The following RRM2 variants were observed in gnomAD, a reference collection of about 807,000 sequenced individuals.
RRM2 encodes the protein ribonucleotide reductase regulatory subunit M2.
RRM2 carries 6 observed loss-of-function variants against 45.9 expected under a neutral mutation model. The observed-to-expected ratio is 0.13, with a 90% confidence interval of 0.07 to 0.26. RRM2 has a LOEUF of 0.26. Ranked by LOEUF, RRM2 falls within the 10% of genes least tolerant of loss-of-function variation. The pLI is 1.00. For missense variants in RRM2, 343 were observed against 489.5 expected (o/e 0.70, Z 2.82); for synonymous variants, 177 against 173.0 (o/e 1.02, Z -0.18).
intron 1 of RRM2, chr2:10,141,713 AGAGCAGGTGAGGGTGG>A: frequency 8.1e-7 from 1 of 1,233,036 alleles, no homozygotes; most frequent in South Asian, 1.6e-5. Flanking sequence ...TGGGAAGGAA[AGAGCAGGTGAGGGTGG>A]GGTACTGTTC....
chr2:10,174,870 TA>T (rs57446176), intron 3 of RRM2, among the ~76,000 whole-genome samples: 59 of 144,886 alleles, frequency 4.1e-4, no homozygotes, highest in Middle Eastern at 3.5e-3. Context: ...CAAAAATGGT[TA>T]AAAAAAAAAA....
intron 3 of RRM2, among the ~76,000 whole-genome samples, chr2:10,188,525 A>G (rs1365595592): frequency 6.6e-6 from 1 of 152,124 alleles, no homozygotes; most frequent in Non-Finnish European, 1.5e-5. Context: ...CTCATTTCAC[A>G]TGAATCACCT....
At chr2:10,151,702 T>G (rs913237481) in intron 3 of RRM2, among the ~76,000 whole-genome samples, 6 of 152,194 alleles carry the variant, frequency 3.9e-5, no homozygotes, top group African/African-American at 1.4e-4. Context: ...CCATACCGCT[T>G]TACATGCCTC....
Position 10,122,751 on chromosome 2 carries a change from CCAG to C in RRM2, c.-46_-44del. 1 of 1,556,946 alleles carries C rather than the reference CCAG, an allele frequency of 6.4e-7. No homozygotes were observed. Among genetic ancestry groups the C allele is most frequent in the Non-Finnish European group, 8.7e-7 (1 of 1,150,402 alleles). On this transcript the variant is annotated 5_prime_UTR_variant, in exon 1 of 10. Transcript: ENST00000304567. ...TGAGGGGTCGCCCGTGCACCCTGTCCCAGCCGTCCTGTCCTGGCTGCTCGCTCT... is the reference window on the plus strand; with the variant it reads ...TGAGGGGTCGCCCGTGCACCCTGTCCCCGTCCTGTCCTGGCTGCTCGCTCT...
intron 3 of RRM2, among the ~76,000 whole-genome samples, chr2:10,206,564 AATT>A (rs1664669697): frequency 6.6e-6 from 1 of 152,188 alleles, no homozygotes; most frequent in Non-Finnish European, 1.5e-5. Flanking sequence ...TGGAAGGAGG[AATT>A]CTGACACATG....
intron 3 of RRM2, chr2:10,146,246 G>C (rs994957840): frequency 6.6e-6 from 1 of 152,172 alleles, no homozygotes; most frequent in African/African-American, 2.4e-5. Context: ...CCAAACGATG[G>C]CTCCAGAGCC....
rs919567474 is a variant in RRM2 at position 10,158,997 on chromosome 2, G to A, written n.482+16622G>A. Among the ~76,000 whole-genome samples the A allele has an allele frequency of 5.3e-5, 8 of 152,288 alleles. No homozygotes were observed. The South Asian group carries it at 1.2e-3, about 24-fold the overall frequency. On this transcript the variant is annotated intron_variant and non_coding_transcript_variant, in intron 3 of 3. Transcript: ENST00000381786. The stretch of plus-strand genomic sequence containing the variant: ...TGCCGCGGGGCTGGCCCAGATCATC[G>A]GTCCTTTGGACGTCTTCTTCCATAA...
intron 5 of RRM2, among the ~76,000 whole-genome samples, chr2:10,125,448 G>A (rs1454365025): frequency 2.0e-5 from 3 of 152,178 alleles, no homozygotes; most frequent in Non-Finnish European, 4.4e-5. Context: ...GTTCTCGCCT[G>A]TAATCCCAGC....
chr2:10,148,931 C>T (rs1377683941), intron 3 of RRM2, among the ~76,000 whole-genome samples: 2 of 152,042 alleles, frequency 1.3e-5, no homozygotes, highest in Non-Finnish European at 2.9e-5. Flanking sequence ...GCTCACTTTC[C>T]TCAGTCTTGT....
Position 10,196,210 on chromosome 2 carries a change from G to A in RRM2, n.483-14101G>A, listed in dbSNP as rs553748034. ...CTAAGCAGTGAGGAGCTTCAGACCC[G>A]TGTGAAGACAGAAGGCGCGGGGAGC... On this transcript the variant is annotated intron_variant and non_coding_transcript_variant, in intron 3 of 3. Coordinates refer to the RRM2 transcript ENST00000381786. 9.2e-5 allele frequency among the ~76,000 whole-genome samples: 14 copies of A among 152,312 alleles called. No individual in the cohort carries two copies. In the East Asian group the frequency reaches 2.3e-3, roughly 25 times the overall value.
intron 3 of RRM2, among the ~76,000 whole-genome samples, chr2:10,154,253 C>T (rs752033734): frequency 4.6e-5 from 7 of 152,148 alleles, no homozygotes; most frequent in Admixed American, 3.3e-4. Context: ...GCGGGCAGAT[C>T]GCTTGAGGTC....
rs948688925 is a variant in RRM2, at chr2:10,129,744, T to A, written c.*358T>A. On this transcript the variant is annotated 3_prime_UTR_variant, in exon 10 of 10. Transcript: ENST00000304567. The surrounding 1 kb of genome is among the most constrained non-coding windows in gnomAD (Gnocchi z 4.8). ...ACTGCTTCAACGCAGATTTTAATGT[T>A]TACTTAAATATAAACCTGGCACTTT... is the stretch of plus-strand genomic sequence containing the variant. 5.1e-6 allele frequency: 1 copy of A among 194,354 alleles called. No individual in the cohort carries two copies. Among genetic ancestry groups the A allele is most frequent in the Non-Finnish European group, 1.0e-5 (1 of 95,692 alleles). The allele number at this position is 194,354 out of a possible 1,614,324, so 12.0% of individuals were successfully genotyped here. A position where few individuals can be genotyped will look rare whatever the true frequency, so the allele number is the denominator to read the frequency against.
chr2:10,177,502 T>C (rs1316253705), intron 3 of RRM2, among the ~76,000 whole-genome samples: 2 of 152,178 alleles, frequency 1.3e-5, no homozygotes, highest in East Asian at 3.8e-4. Context: ...AATAACTATA[T>C]TGATGTTGAT....
intron 3 of RRM2, among the ~76,000 whole-genome samples, chr2:10,198,092 C>A (rs1328059524): frequency 1.3e-5 from 2 of 152,230 alleles, no homozygotes; most frequent in Non-Finnish European, 2.9e-5. Flanking sequence ...CAGGCCCATT[C>A]TGTGTCTCAG....
At chr2:10,124,463 T>C (rs1052517977) in intron 4 of RRM2, among the ~76,000 whole-genome samples, 1 of 152,206 alleles carries the variant, frequency 6.6e-6, no homozygotes, top group African/African-American at 2.4e-5. Context: ...GTATCTCTTA[T>C]TGCGAATGGA....
In RRM2 at chr2:10,195,785, T is replaced by TAAGTACTAC. The variant is rs1183798802; in HGVS notation, n.483-14526_483-14525insAAGTACTAC. 6.6e-6 allele frequency among the ~76,000 whole-genome samples: 1 copy of TAAGTACTAC among 152,090 alleles called. No homozygotes were observed. Among genetic ancestry groups the TAAGTACTAC allele is most frequent in the East Asian group, 1.9e-4 (1 of 5,182 alleles). ...TCACGGTGGTCCTGTGTAGGACTGG[T>TAAGTACTAC]TGCCACAGGTAAGTAGTGACCTGGC... On this transcript the variant is annotated intron_variant and non_coding_transcript_variant, in intron 3 of 3. Transcript: ENST00000381786. The surrounding 1 kb of genome is among the most constrained non-coding windows in gnomAD (Gnocchi z 4.9).
rs1043499207 is a variant in RRM2, at chr2:10,169,988, C to A, written n.482+27613C>A. ...TGGTTCTGATCCAGATTCTGGTACCCGAGTGAGCTAGGCCACGGGAGCAGC... is the reference window on the plus strand; with the variant it reads ...TGGTTCTGATCCAGATTCTGGTACCAGAGTGAGCTAGGCCACGGGAGCAGC... On this transcript the variant is annotated intron_variant and non_coding_transcript_variant, in intron 3 of 3. Transcript: ENST00000381786. The surrounding 1 kb of genome is among the most constrained non-coding windows in gnomAD (Gnocchi z 5.1). Among the ~76,000 whole-genome samples, 1 of 152,184 alleles carries A rather than the reference C, an allele frequency of 6.6e-6. No homozygotes were observed. Among genetic ancestry groups the A allele is most frequent in the Non-Finnish European group, 1.5e-5 (1 of 68,038 alleles).
At chr2:10,187,310 G>A (rs1490900067) in intron 3 of RRM2, among the ~76,000 whole-genome samples, 6 of 152,188 alleles carry the variant, frequency 3.9e-5, no homozygotes, top group Admixed American at 2.6e-4. Flanking sequence ...CGCAGGGCTC[G>A]GTAGCAGGAC....
intron 4 of RRM2, 113 bp from the exon 5 acceptor site, chr2:10,124,604 T>C (rs1221966461): frequency 2.6e-6 from 3 of 1,137,524 alleles, no homozygotes; most frequent in South Asian, 2.9e-5. Flanking sequence ...GGATGAAATA[T>C]ATATAGAAAT....
Sources: allele counts gnomAD v4.1 joint callset (sites outside exome capture counted in the v4.1 genomes callset), GRCh38; gene constraint gnomAD v4.1.1; non-coding constraint Gnocchi (gnomAD v3.1); transcripts MANE v1.5; gene names NCBI Gene and HGNC (gene_info 2026-07-23, HGNC 2026-07-21).